The following GLRA3 variants were observed in gnomAD, a reference collection of about 807,000 sequenced individuals.
The protein encoded by GLRA3 is glycine receptor alpha 3.
A neutral mutation model predicts 60.4 loss-of-function variants in GLRA3; 44 were observed. The observed-to-expected ratio is 0.73, with a 90% CI of 0.57 to 0.94. The LOEUF is 0.94. GLRA3 is among the 40% of genes least tolerant of loss of function. The pLI is 0.00. For missense variants in GLRA3, 508 were observed against 564.6 expected (o/e 0.90, Z 1.02); for synonymous variants, 223 against 192.9 (o/e 1.16, Z -1.29).
intron 1 of GLRA3, 81 bp downstream of exon 1, chr4:174,828,660 C>T (rs202063677): frequency 3.6e-6 from 3 of 827,068 alleles, no homozygotes; most frequent in Non-Finnish European, 6.4e-6. Flanking sequence ...GCAAATTTCC[C>T]GGTCTCATCA....
chr4:174,645,118 T>C (rs1031172136), intron 9 of GLRA3, among the ~76,000 whole-genome samples: 6 of 151,984 alleles, frequency 3.9e-5, no homozygotes, highest in Admixed American at 2.0e-4. Flanking sequence ...TGGCTTGAAC[T>C]CTTGAAAATT....
At chr4:174,795,840 G>A (rs1313939369) in intron 1 of GLRA3, among the ~76,000 whole-genome samples, 1 of 152,196 alleles carries the variant, frequency 6.6e-6, no homozygotes, top group East Asian at 1.9e-4. Flanking sequence ...GCTGAAAAAT[G>A]AGAAGATAAT....
intron 1 of GLRA3, among the ~76,000 whole-genome samples, chr4:174,824,395 C>T (rs1012312259): frequency 1.2e-4 from 18 of 152,004 alleles, no homozygotes; most frequent in Admixed American, 1.1e-3. Flanking sequence ...GAAGAAGAAC[C>T]GATAGGGATA....
chr4:174,746,674 C>T (rs1468458969), intron 3 of GLRA3, among the ~76,000 whole-genome samples: 2 of 152,174 alleles, frequency 1.3e-5, no homozygotes, highest in African/African-American at 4.8e-5. Flanking sequence ...CAGTTACCAA[C>T]ACAATTCCTG....
chr4:174,706,978 T>C (rs376973130), intron 5 of GLRA3, among the ~76,000 whole-genome samples: 12 of 152,312 alleles, frequency 7.9e-5, no homozygotes, highest in African/African-American at 2.6e-4. Flanking sequence ...CCATGCTACA[T>C]TGATATCATA....
chr4:174,731,576 G>T (rs1386632906), intron 3 of GLRA3, among the ~76,000 whole-genome samples: 1 of 152,138 alleles, frequency 6.6e-6, no homozygotes, highest in Non-Finnish European at 1.5e-5. Context: ...AGAAAATTTA[G>T]CAGAGTATGT....
At chr4:174,748,313 T>A (rs1737328758) in intron 3 of GLRA3, among the ~76,000 whole-genome samples, 1 of 152,194 alleles carries the variant, frequency 6.6e-6, no homozygotes, top group South Asian at 2.1e-4. Context: ...TTCATTGTTG[T>A]TATTGAATAC....
intron 7 of GLRA3, among the ~76,000 whole-genome samples, chr4:174,661,053 T>C (rs1483723201): frequency 1.3e-5 from 2 of 152,172 alleles, no homozygotes; most frequent in Non-Finnish European, 2.9e-5. Context: ...TCTCAGGAAC[T>C]CTTCTGTAGT....
At chr4:174,780,754 G>T (rs1561114095) in intron 2 of GLRA3, among the ~76,000 whole-genome samples, 1 of 151,772 alleles carries the variant, frequency 6.6e-6, no homozygotes, top group Non-Finnish European at 1.5e-5. Flanking sequence ...AATTCAACAA[G>T]AAGAGCTAAC....
chr4:174,790,696 G>A (rs1009734821), intron 1 of GLRA3, among the ~76,000 whole-genome samples: 2 of 151,502 alleles, frequency 1.3e-5, no homozygotes, highest in Admixed American at 1.3e-4. Context: ...AATACTAGAC[G>A]ATGGCCGGGT....
Position 174,812,399 on chromosome 4 carries a change from A to G in GLRA3, c.71+16342T>C, listed in dbSNP as rs115060118. Among the ~76,000 whole-genome samples, 866 of 152,254 alleles carry G rather than the reference A, an allele frequency of 5.7e-3. 7 individuals are homozygous for G. Among genetic ancestry groups the G allele is most frequent in the African/African-American group, 0.019 (803 of 41,574 alleles). ...GATTATGGTAGATATTCATGCTTGTATAACTACAGATGTTTATGTTAATAT... is the reference window on the plus strand; with the variant it reads ...GATTATGGTAGATATTCATGCTTGTGTAACTACAGATGTTTATGTTAATAT... On this transcript the variant is annotated intron_variant, in intron 1 of 9. Coordinates refer to ENST00000274093, the MANE Select transcript of GLRA3 (RefSeq NM_006529.4).
At chr4:174,675,923 A>C (rs1734100583) in intron 7 of GLRA3, among the ~76,000 whole-genome samples, 1 of 152,140 alleles carries the variant, frequency 6.6e-6, no homozygotes, top group Non-Finnish European at 1.5e-5. Context: ...GGGAGCCATG[A>C]CAATAGATTT....
intron 2 of GLRA3, among the ~76,000 whole-genome samples, chr4:174,770,859 A>T (rs1486698373): frequency 6.6e-6 from 1 of 152,000 alleles, no homozygotes; most frequent in Non-Finnish European, 1.5e-5. Context: ...CTCCATGATT[A>T]AAACAAAATT....
intron 5 of GLRA3, among the ~76,000 whole-genome samples, chr4:174,693,430 AT>A (rs555858126): frequency 2.0e-5 from 3 of 151,816 alleles, no homozygotes; most frequent in Non-Finnish European, 4.4e-5. Context: ...TTCCCCATTG[AT>A]TTTTTTTGTC....
At chr4:174,680,135 T>C (rs201821316) in intron 6 of GLRA3, among the ~76,000 whole-genome samples, 4 of 152,208 alleles carry the variant, frequency 2.6e-5, no homozygotes, top group African/African-American at 9.7e-5. Flanking sequence ...ACAGCTATTA[T>C]GTATCTATAA....
chr4:174,816,221 G>C (rs545259698), intron 1 of GLRA3, among the ~76,000 whole-genome samples: 44 of 152,272 alleles, frequency 2.9e-4, no homozygotes, highest in Admixed American at 1.8e-3. Flanking sequence ...TAGGTTTGCT[G>C]TGTTTTCCAT....
At chr4:174,678,324 C>G (rs916580567) in intron 6 of GLRA3, among the ~76,000 whole-genome samples, 9 of 152,138 alleles carry the variant, frequency 5.9e-5, no homozygotes, top group African/African-American at 1.2e-4. Flanking sequence ...TTATACTACT[C>G]TATGTTATCT....
chr4:174,755,627 AAT>A (rs924942927), intron 3 of GLRA3, among the ~76,000 whole-genome samples: 25 of 152,088 alleles, frequency 1.6e-4, no homozygotes, highest in Non-Finnish European at 3.1e-4. Context: ...ATGAATTTCC[AAT>A]AAGTTATTTA....
At chr4:174,798,413 T>C (rs1739655587) in intron 1 of GLRA3, among the ~76,000 whole-genome samples, 1 of 152,152 alleles carries the variant, frequency 6.6e-6, no homozygotes, top group South Asian at 2.1e-4. Flanking sequence ...GAATGAAAGA[T>C]ATGAGCCTTT....
Sources: gnomAD v4.1 joint callset for allele counts (sites outside exome capture counted in the v4.1 genomes callset) on GRCh38, gnomAD v4.1.1 for gene constraint, MANE v1.5 for transcripts, NCBI Gene and HGNC (gene_info 2026-07-23, HGNC 2026-07-21) for gene names.